Variants in LARGE1 observed in about 807,000 individuals in gnomAD.
LARGE1 encodes the protein xylosyl- and glucuronyltransferase LARGE1.
In LARGE1, 43 loss-of-function variants were observed where a neutral mutation model predicts 87.6. The ratio of observed to expected loss-of-function variants is 0.49; its 90% confidence interval spans 0.38 to 0.63. The LOEUF is 0.63. Ranked by LOEUF, LARGE1 falls within the 30% of genes least tolerant of loss-of-function variation. LARGE1 has a pLI of 0.00. For missense variants in LARGE1, 802 were observed against 1,000.2 expected, an observed-to-expected ratio of 0.80 and a Z score of 2.67; for synonymous variants, 434 against 394.6, an observed-to-expected ratio of 1.10 and a Z score of -1.18.
At chr22:33,685,559 C>G (rs1270192014) in intron 2 of LARGE1, among the ~76,000 whole-genome samples, 1 of 152,174 alleles carries the variant, frequency 6.6e-6, no homozygotes, top group East Asian at 1.9e-4. Context: ...TGCCCCCTGT[C>G]TGACTGAACT....
chr22:33,432,689 C>A (rs2067123243), intron 6 of LARGE1, among the ~76,000 whole-genome samples: 1 of 152,046 alleles, frequency 6.6e-6, no homozygotes, highest in African/African-American at 2.4e-5. Flanking sequence ...CTGGTATTTC[C>A]CACTGTACAT....
intron 9 of LARGE1, among the ~76,000 whole-genome samples, chr22:33,351,185 T>C (rs904548706): frequency 1.3e-5 from 2 of 152,230 alleles, no homozygotes; most frequent in African/African-American, 2.4e-5. Flanking sequence ...GCAATTAATA[T>C]CTGTTGAATG....
At chr22:33,816,151 GC>G (rs1277379466) in intron 1 of LARGE1, among the ~76,000 whole-genome samples, 3 of 152,166 alleles carry the variant, frequency 2.0e-5, no homozygotes, top group Non-Finnish European at 4.4e-5. Context: ...ACCTCTGTGG[GC>G]TGCGGGCGAA....
At chr22:33,241,395 A>G (rs5749583) in intron 11 of LARGE1, among the ~76,000 whole-genome samples, 22,294 of 152,028 alleles carry the variant, frequency 0.15, 2,623 homozygotes, top group African/African-American at 0.32. Flanking sequence ...CACCTAGCCC[A>G]TGATGCTCTT....
At chr22:33,586,224 A>G (rs1440985424) in intron 5 of LARGE1, among the ~76,000 whole-genome samples, 1 of 152,060 alleles carries the variant, frequency 6.6e-6, no homozygotes, top group Non-Finnish European at 1.5e-5. Context: ...CCCAAAAGAC[A>G]CCTCCAAAAT....
intron 6 of LARGE1, among the ~76,000 whole-genome samples, chr22:33,542,410 G>A (rs2077238826): frequency 6.6e-6 from 1 of 151,834 alleles, no homozygotes; most frequent in Non-Finnish European, 1.5e-5. Context: ...AGTGTTTCAT[G>A]CCGGATATAA....
chr22:33,909,144 A>T (rs1173526296), intron 1 of LARGE1, among the ~76,000 whole-genome samples: 1 of 152,096 alleles, frequency 6.6e-6, no homozygotes, highest in African/African-American at 2.4e-5. Context: ...CTATTTTAAG[A>T]CTTGCTGCTT....
intron 6 of LARGE1, among the ~76,000 whole-genome samples, chr22:33,472,733 C>T (rs2068898548): frequency 6.6e-6 from 1 of 152,300 alleles, no homozygotes; most frequent in Middle Eastern, 3.4e-3. Context: ...TGTTTCTGCA[C>T]ATTTTAATAT....
At chr22:33,701,245 G>A (rs1317160834) in intron 2 of LARGE1, among the ~76,000 whole-genome samples, 1 of 152,132 alleles carries the variant, frequency 6.6e-6, no homozygotes, top group Non-Finnish European at 1.5e-5. Flanking sequence ...CCATGATGGT[G>A]TTTTCAGAAG....
the LARGE1 span, among the ~76,000 whole-genome samples, chr22:33,096,178 G>C: frequency 2.6e-5 from 4 of 152,166 alleles, no homozygotes; most frequent in African/African-American, 9.7e-5. Flanking sequence ...CACTTTGGGA[G>C]GCCGAGGCGG....
intron 1 of LARGE1, among the ~76,000 whole-genome samples, chr22:33,794,228 A>G (rs1174933042): frequency 6.6e-6 from 1 of 152,148 alleles, no homozygotes; most frequent in Non-Finnish European, 1.5e-5. Context: ...GAGACTGTGC[A>G]GCCGTCTTTT....
intron 11 of LARGE1, among the ~76,000 whole-genome samples, chr22:33,196,590 T>C (rs942128443): frequency 6.6e-6 from 1 of 150,842 alleles, no homozygotes; most frequent in African/African-American, 2.4e-5. Flanking sequence ...GAAATTCACC[T>C]TAAATAAAAT....
chr22:33,203,858 T>G lies in LARGE1; in HGVS notation c.1731-37026A>C, dbSNP rs554935676. On this transcript the variant is annotated intron_variant, in intron 11 of 11. Transcript: ENST00000608642. Reference sequence around the variant, plus strand: ...CACCACTCCCCGGACCTTACCCTGGTAGAATCAGGGATTTCATTCTGTCCC... The same window carrying G: ...CACCACTCCCCGGACCTTACCCTGGGAGAATCAGGGATTTCATTCTGTCCC... Among the ~76,000 whole-genome samples the G allele has an allele frequency of 2.6e-5, 4 of 152,202 alleles. No individual in the cohort carries two copies. The East Asian group carries it at 7.7e-4, about 29-fold the overall frequency.
intron 5 of LARGE1, among the ~76,000 whole-genome samples, chr22:33,571,700 G>T (rs9619358): frequency 0.11 from 17,187 of 152,034 alleles, 1,416 homozygotes; most frequent in African/African-American, 0.24. Flanking sequence ...CTGACCTATT[G>T]AAACTCCTCC....
chr22:33,067,714 G>A, the LARGE1 span, among the ~76,000 whole-genome samples: 3 of 152,186 alleles, frequency 2.0e-5, no homozygotes, highest in Admixed American at 2.0e-4. Context: ...AGGTGCAGTG[G>A]CTCATGCCTG....
At chr22:33,839,138 C>T (rs1169715624) in intron 1 of LARGE1, among the ~76,000 whole-genome samples, 1 of 152,194 alleles carries the variant, frequency 6.6e-6, no homozygotes, top group Non-Finnish European at 1.5e-5. Context: ...GTTCTGCAGG[C>T]TTGTACAAGA....
At chr22:33,883,214 G>A (rs563730681) in intron 1 of LARGE1, among the ~76,000 whole-genome samples, 12 of 152,240 alleles carry the variant, frequency 7.9e-5, no homozygotes, top group Non-Finnish European at 1.6e-4. Context: ...GTCGGGGAGC[G>A]CTGCTTTGCA....
chr22:33,609,268 G>A (rs967111020), intron 4 of LARGE1, among the ~76,000 whole-genome samples: 3 of 152,170 alleles, frequency 2.0e-5, no homozygotes, highest in African/African-American at 4.8e-5. Context: ...CGCTGTGCTG[G>A]GCTGCCACCC....
chr22:33,193,875 TATA>T (rs202041292), intron 11 of LARGE1, among the ~76,000 whole-genome samples: 4,318 of 147,664 alleles, frequency 0.029, 88 homozygotes, highest in Admixed American at 0.054. Flanking sequence ...ATATATTATA[TATA>T]ATGTTTTATA....
Sources: allele counts gnomAD v4.1 joint callset (sites outside exome capture counted in the v4.1 genomes callset), GRCh38; gene constraint gnomAD v4.1.1; transcripts MANE v1.5; gene names NCBI Gene and HGNC (gene_info 2026-07-23, HGNC 2026-07-21).